The following ZMIZ1 variants were observed in gnomAD, a reference collection of about 807,000 sequenced individuals.
ZMIZ1 encodes zinc finger MIZ-type containing 1.
Under a neutral mutation model 113.9 loss-of-function variants are expected in ZMIZ1, and 17 were observed. The ratio of observed to expected loss-of-function variants is 0.15; its 90% confidence interval spans 0.10 to 0.22. ZMIZ1 has a LOEUF of 0.22. Ranked by LOEUF, ZMIZ1 falls within the 10% of genes least tolerant of loss-of-function variation. ZMIZ1 has a pLI of 1.00. For synonymous variants in ZMIZ1, 607 were observed against 603.1 expected, an observed-to-expected ratio of 1.01 and a Z score of -0.09; for missense variants, 1,059 against 1,477.8, an observed-to-expected ratio of 0.72 and a Z score of 4.65.
intron 4 of ZMIZ1, among the ~76,000 whole-genome samples, chr10:79,196,492 C>T (rs1381863176): frequency 1.3e-5 from 2 of 152,214 alleles, no homozygotes; most frequent in Non-Finnish European, 2.9e-5. Flanking sequence ...AAAGCACCTT[C>T]GGCCCTTAAT....
chr10:79,282,419 G>A (rs531926203), intron 8 of ZMIZ1, among the ~76,000 whole-genome samples: 7 of 152,306 alleles, frequency 4.6e-5, no homozygotes, highest in East Asian at 1.9e-4. Flanking sequence ...CTCTGAGGAC[G>A]AACAAATGGG....
intron 7 of ZMIZ1, among the ~76,000 whole-genome samples, chr10:79,261,606 T>C (rs1361496747): frequency 6.6e-6 from 1 of 152,168 alleles, no homozygotes; most frequent in African/African-American, 2.4e-5. Flanking sequence ...CTAGTTCAGT[T>C]CTTACAGCCA....
In ZMIZ1 at chr10:79,299,037, C is replaced by T. The variant is rs771404290; in HGVS notation, c.1667-13C>T. 1 of 1,600,092 alleles carries T rather than the reference C, an allele frequency of 6.2e-7. No homozygotes were observed. ...GAGGCTTGTGGCTCACCCACCTCCT[C>T]TCCTCGCCCCAGCCAACCACAATGA... On this transcript the variant is annotated splice_polypyrimidine_tract_variant and intron_variant, in intron 15 of 24. Transcript: ENST00000334512.
intron 14 of ZMIZ1, 70 bp from the exon 15 acceptor site, chr10:79,298,336 A>G (rs886753888): frequency 6.4e-5 from 98 of 1,520,886 alleles, no homozygotes; most frequent in Admixed American, 1.9e-4. Flanking sequence ...AGTGCGGTGT[A>G]TGTCCATAGC....
At chr10:79,275,953 C>T (rs905450596) in intron 7 of ZMIZ1, among the ~76,000 whole-genome samples, 3 of 152,220 alleles carry the variant, frequency 2.0e-5, no homozygotes, top group Non-Finnish European at 4.4e-5. Context: ...AATGTGGAGT[C>T]GGCTTTGCAC....
At chr10:79,242,433 G>A (rs1849884653) in intron 7 of ZMIZ1, among the ~76,000 whole-genome samples, 1 of 152,154 alleles carries the variant, frequency 6.6e-6, no homozygotes, top group Non-Finnish European at 1.5e-5. Flanking sequence ...GGGGTGCCAG[G>A]GCACCCAGGG....
chr10:79,240,250 C>T (rs1380361615), intron 7 of ZMIZ1, among the ~76,000 whole-genome samples: 1 of 152,258 alleles, frequency 6.6e-6, no homozygotes, highest in Admixed American at 6.5e-5. Flanking sequence ...CGAGGTCACT[C>T]AGAGAGCTCA....
intron 7 of ZMIZ1, among the ~76,000 whole-genome samples, chr10:79,231,318 G>C (rs892417105): frequency 2.6e-5 from 4 of 152,224 alleles, no homozygotes; most frequent in Non-Finnish European, 4.4e-5. Context: ...CGCGATCTCA[G>C]CTCACTGCAA....
intron 1 of ZMIZ1, among the ~76,000 whole-genome samples, chr10:79,114,488 T>TGC (rs1564658364): frequency 1.0e-5 from 1 of 96,716 alleles, no homozygotes; most frequent in Non-Finnish European, 2.3e-5. Context: ...TGTGTGTGTG[T>TGC]GTGTGCGTGT....
chr10:79,284,977 C>T (rs961613198), intron 8 of ZMIZ1, among the ~76,000 whole-genome samples: 4 of 152,216 alleles, frequency 2.6e-5, no homozygotes, highest in South Asian at 2.1e-4. Flanking sequence ...CCTGTCCCTT[C>T]GTGCTAGGCG....
At chr10:79,175,592 G>GTGTGTGTGTGTGTGTA (rs1846803816) in intron 4 of ZMIZ1, among the ~76,000 whole-genome samples, 4 of 102,804 alleles carry the variant, frequency 3.9e-5, no homozygotes, top group South Asian at 3.8e-4. Flanking sequence ...GCGTGTGTGT[G>GTGTGTGTGTGTGTGTA]TGTGTGTGTG....
At chr10:79,110,332 C>T (rs1843692342) in intron 1 of ZMIZ1, among the ~76,000 whole-genome samples, 1 of 152,166 alleles carries the variant, frequency 6.6e-6, no homozygotes, top group Admixed American at 6.5e-5. Context: ...GGCCTTATTG[C>T]GATACCGGTG....
At chr10:79,243,157 C>T (rs1408830158) in intron 7 of ZMIZ1, among the ~76,000 whole-genome samples, 2 of 151,442 alleles carry the variant, frequency 1.3e-5, no homozygotes, top group South Asian at 2.1e-4. Context: ...TCCCCCGGAG[C>T]CCCCAGCCCC....
chr10:79,089,508 C>T (rs1404874616), intron 1 of ZMIZ1, among the ~76,000 whole-genome samples: 1 of 152,218 alleles, frequency 6.6e-6, no homozygotes, highest in Non-Finnish European at 1.5e-5. Flanking sequence ...CTGGACCCCT[C>T]TCCCTGGGCC....
chr10:79,197,150 TCTC>T (rs1564712835), intron 4 of ZMIZ1, among the ~76,000 whole-genome samples: 1 of 152,212 alleles, frequency 6.6e-6, no homozygotes, highest in Non-Finnish European at 1.5e-5. Context: ...TTCTCTTCTG[TCTC>T]CTCCAGCTAG....
chr10:79,090,886 G>A (rs1247243746), intron 1 of ZMIZ1, among the ~76,000 whole-genome samples: 2 of 152,126 alleles, frequency 1.3e-5, no homozygotes, highest in African/African-American at 2.4e-5. Context: ...CTTTTCCATC[G>A]GGATACACTG....
At chr10:79,292,399 C>T in intron 11 of ZMIZ1, 43 bp downstream of exon 11, 1 of 1,581,418 alleles carries the variant, frequency 6.3e-7, no homozygotes. Context: ...GCCCAGCCAG[C>T]CAGGCAGACA....
chr10:79,126,790 G>C (rs371849732), intron 2 of ZMIZ1, among the ~76,000 whole-genome samples: 9 of 152,344 alleles, frequency 5.9e-5, no homozygotes, highest in African/African-American at 2.2e-4. Context: ...TGCCTCAGTG[G>C]AAGAGTCCGC....
At chr10:79,070,849 C>T (rs1476216370) in intron 1 of ZMIZ1, among the ~76,000 whole-genome samples, 1 of 151,872 alleles carries the variant, frequency 6.6e-6, no homozygotes, top group Admixed American at 6.6e-5. Flanking sequence ...TCCCTCCCTC[C>T]CTCCCTCCCG....
Sources: gnomAD v4.1 joint callset for allele counts (sites outside exome capture counted in the v4.1 genomes callset) on GRCh38, gnomAD v4.1.1 for gene constraint, MANE v1.5 for transcripts, NCBI Gene and HGNC (gene_info 2026-07-23, HGNC 2026-07-21) for gene names.